Variants in PCDHA8 observed in about 807,000 individuals in gnomAD.
PCDHA8 encodes protocadherin alpha 8.
PCDHA8 carries 53 observed loss-of-function variants against 61.8 expected under a neutral mutation model. That is an observed-to-expected ratio of 0.86 (90% CI 0.69 to 1.08). PCDHA8 has a LOEUF of 1.08. Ranked by LOEUF, PCDHA8 falls within the 50% of genes least tolerant of loss-of-function variation. The pLI, the probability that PCDHA8 is intolerant of heterozygous loss-of-function variation, is 0.00. For synonymous variants in PCDHA8, 618 were observed against 556.6 expected (o/e 1.11, Z -1.55); for missense variants, 1,293 against 1,245.0 (o/e 1.04, Z -0.58).
At chr5:140,908,422 C>T (rs1403455941) in intron 1 of PCDHA8, among the ~76,000 whole-genome samples, 1 of 152,176 alleles carries the variant, frequency 6.6e-6, no homozygotes, top group Non-Finnish European at 1.5e-5. Context: ...TGATGGAATG[C>T]TGCTGTGCGC....
At position 140,855,973 on chromosome 5, in the gene PCDHA8, T is replaced by A. The variant is rs371048948; in HGVS notation, c.2394+12258T>A. ...TTCGATAAAAAATAGATATAAGAAATAGGACAGAAAATGTCAGATCGTATG... is the reference window on the plus strand; with the variant it reads ...TTCGATAAAAAATAGATATAAGAAAAAGGACAGAAAATGTCAGATCGTATG... On this transcript the variant is annotated intron_variant, in intron 1 of 3. Coordinates refer to ENST00000531613, the MANE Select transcript of PCDHA8 (RefSeq NM_018911.3). 71 of 1,440,548 alleles carry A rather than the reference T, an allele frequency of 4.9e-5. 4 individuals are homozygous for A. The Middle Eastern group carries it at 9.2e-4, about 19-fold the overall frequency. The allele number at this position is 1,440,548 out of a possible 1,614,324, so 89.2% of individuals were successfully genotyped here.
chr5:140,952,512 C>T (rs1381568463), intron 1 of PCDHA8, among the ~76,000 whole-genome samples: 1 of 152,124 alleles, frequency 6.6e-6, no homozygotes, highest in Non-Finnish European at 1.5e-5. Flanking sequence ...TCCTCATCTC[C>T]ATCTGAGACC....
chr5:140,863,333 CGTT>C, intron 1 of PCDHA8: 1 of 1,399,240 alleles, frequency 7.1e-7, no homozygotes. Flanking sequence ...TTAGTGCTCA[CGTT>C]GCTGCTGTAC....
chr5:140,987,999 C>T (rs543796200), intron 3 of PCDHA8, among the ~76,000 whole-genome samples: 3 of 152,292 alleles, frequency 2.0e-5, no homozygotes, highest in African/African-American at 7.2e-5. Context: ...TCTGATCCTT[C>T]CCCAGAAAGA....
intron 1 of PCDHA8, chr5:140,875,666 G>A (rs781866030): frequency 1.2e-6 from 2 of 1,613,786 alleles, no homozygotes; most frequent in East Asian, 4.5e-5. Flanking sequence ...CGCCTGTTCC[G>A]GGTGGCGTCC....
rs2150425327 is a variant in PCDHA8 at position 140,848,932 on chromosome 5, G to T, written c.2394+5217G>T. The T allele has an allele frequency of 3.7e-6, 6 of 1,607,494 alleles. No individual in the cohort carries two copies. In the African/African-American group the frequency reaches 8.1e-5, roughly 22 times the overall value. ...AAGAATCTGTTCATCGCGGAATCCA[G>T]GCCGCTTGACTCTCGGTTTCCACTA... On this transcript the variant is annotated intron_variant, in intron 1 of 3. Transcript: ENST00000531613.
Position 140,843,367 on chromosome 5 carries a change from G to A in PCDHA8, c.2046G>A (p.Gln682=), listed in dbSNP as rs2150358389. The stretch of plus-strand genomic sequence containing the variant: ...AGGCTCCAAAAGCGTCATCGAGGCA[G>A]TCGGCTGGCGTTTTGGGTCCGGAAG... ...SGQAPKASSR[Q]SAGVLGPEAA... is the part of the protein sequence containing the mutation. The change falls in exon 1 of 4, where the codon CAG becomes CAA. Residue 682 remains glutamine, a synonymous_variant. Coordinates refer to ENST00000531613, the MANE Select transcript of PCDHA8 (RefSeq NM_018911.3). 3 of 1,596,142 alleles carry A rather than the reference G, an allele frequency of 1.9e-6. No homozygotes were observed. In the East Asian group the frequency reaches 6.7e-5, roughly 36 times the overall value.
intron 1 of PCDHA8, among the ~76,000 whole-genome samples, chr5:140,975,369 T>G (rs2096664514): frequency 6.6e-6 from 1 of 152,230 alleles, no homozygotes; most frequent in Admixed American, 6.5e-5. Flanking sequence ...CATAGCATAA[T>G]GTAATCATGG....
At chr5:140,870,921 T>G (rs2052546739) in intron 1 of PCDHA8, 1 of 1,613,894 alleles carries the variant, frequency 6.2e-7, no homozygotes, top group South Asian at 1.1e-5. Flanking sequence ...ACGCGTGGCT[T>G]TCATATGAAT....
intron 1 of PCDHA8, among the ~76,000 whole-genome samples, chr5:140,919,085 T>C (rs2078998041): frequency 1.3e-5 from 2 of 152,368 alleles, no homozygotes; most frequent in East Asian, 3.9e-4. Context: ...GACTATTGAA[T>C]TGTCTATTTC....
At chr5:140,895,964 C>T (rs2065282764) in intron 1 of PCDHA8, among the ~76,000 whole-genome samples, 2 of 152,120 alleles carry the variant, frequency 1.3e-5, no homozygotes, top group South Asian at 4.1e-4. Flanking sequence ...GTGCCTGTCA[C>T]CAGGCCTAGC....
chr5:141,009,290 A>G (rs1372878338), intron 3 of PCDHA8, among the ~76,000 whole-genome samples: 1 of 152,118 alleles, frequency 6.6e-6, no homozygotes, highest in Non-Finnish European at 1.5e-5. Context: ...TCCCATTTCT[A>G]TAAAATTTTT....
rs782131708 is a variant in PCDHA8, at chr5:140,869,055, G to A, written c.2394+25340G>A. The A allele has an allele frequency of 1.9e-6, 3 of 1,547,114 alleles. No homozygotes were observed. In the South Asian group the frequency reaches 3.8e-5, roughly 20 times the overall value. ...TTTTTAACCTGAAACTGAAGAATCTGGTACTGTAAGTGTAAAGAAGCTTAT... is the reference window on the plus strand; with the variant it reads ...TTTTTAACCTGAAACTGAAGAATCTAGTACTGTAAGTGTAAAGAAGCTTAT... On this transcript the variant is annotated intron_variant, in intron 1 of 3. Coordinates refer to ENST00000531613, the MANE Select transcript of PCDHA8 (RefSeq NM_018911.3).
chr5:140,987,034 C>T (rs782321957), intron 3 of PCDHA8, among the ~76,000 whole-genome samples: 12 of 151,770 alleles, frequency 7.9e-5, no homozygotes, highest in Non-Finnish European at 1.6e-4. Context: ...GTCAACATGG[C>T]GAAACCCCAT....
chr5:140,995,674 A>G (rs1205485736), intron 3 of PCDHA8, among the ~76,000 whole-genome samples: 2 of 151,994 alleles, frequency 1.3e-5, no homozygotes, highest in East Asian at 3.9e-4. Flanking sequence ...TAAATGCAGC[A>G]TTTTTTTTAA....
chr5:140,901,953 G>T (rs545807968), intron 1 of PCDHA8, among the ~76,000 whole-genome samples: 1 of 151,712 alleles, frequency 6.6e-6, no homozygotes, highest in African/African-American at 2.4e-5. Flanking sequence ...AGTTTTATTC[G>T]TGGCTATCGT....
At position 140,843,136 on chromosome 5, in the gene PCDHA8, G is replaced by C; in HGVS notation, c.1815G>C (p.Ala605=). 6.3e-7 allele frequency: 1 copy of C among 1,596,026 alleles called. No homozygotes were observed. Among genetic ancestry groups the C allele is most frequent in the South Asian group, 1.1e-5 (1 of 90,518 alleles). The change falls in exon 1 of 4, where the codon GCG becomes GCC. Residue 605 remains alanine, a synonymous_variant. Transcript: ENST00000531613. ...TGGACGCCGACTCGGGCTACAACGC[G>C]TGGCTTTCGTATGAGCTGCAGCCAG... is the stretch of plus-strand genomic sequence containing the variant. ...RAVDADSGYN[A]WLSYELQPAA...
intron 1 of PCDHA8, among the ~76,000 whole-genome samples, chr5:140,925,578 A>G (rs1378824182): frequency 6.6e-6 from 1 of 151,838 alleles, no homozygotes; most frequent in African/African-American, 2.4e-5. Flanking sequence ...GCACACCAAC[A>G]TGGCGCATGT....
chr5:140,987,799 A>C (rs2097268880), intron 3 of PCDHA8, among the ~76,000 whole-genome samples: 2 of 152,140 alleles, frequency 1.3e-5, no homozygotes, highest in South Asian at 4.1e-4. Flanking sequence ...GATTTTTTTA[A>C]AGTGCCTGTC....
Sources: gnomAD v4.1 joint callset for allele counts (sites outside exome capture counted in the v4.1 genomes callset) on GRCh38, gnomAD v4.1.1 for gene constraint, MANE v1.5 for transcripts, NCBI Gene and HGNC (gene_info 2026-07-23, HGNC 2026-07-21) for gene names.